Variants in TMEM87A observed in about 807,000 individuals in gnomAD.
TMEM87A encodes the protein Golgi-pH regulating cation channel.
Under a neutral mutation model 90.0 loss-of-function variants are expected in TMEM87A, and 50 were observed. That is an observed-to-expected ratio of 0.56 (90% confidence interval 0.44 to 0.70). TMEM87A has a LOEUF of 0.70. TMEM87A is among the 30% of genes least tolerant of loss of function. The pLI is 0.00. For missense variants in TMEM87A, 577 were observed against 660.5 expected (o/e 0.87, Z 1.39); for synonymous variants, 226 against 226.7 (o/e 1.00, Z 0.03).
chr15:42,227,666 T>C (rs2050619983), intron 14 of TMEM87A, 45 bp downstream of exon 14: 1 of 1,548,266 alleles, frequency 6.5e-7, no homozygotes, highest in African/African-American at 1.4e-5. Flanking sequence ...CACCATCAGT[T>C]GTTTATAAGA....
intron 8 of TMEM87A, among the ~76,000 whole-genome samples, chr15:42,238,270 C>A (rs560599161): frequency 6.6e-6 from 1 of 151,880 alleles, no homozygotes; most frequent in East Asian, 1.9e-4. Flanking sequence ...TCTGTCCCTA[C>A]AAAAAATAAA....
intron 7 of TMEM87A, among the ~76,000 whole-genome samples, chr15:42,243,818 C>T (rs893315803): frequency 4.6e-5 from 7 of 152,064 alleles, no homozygotes; most frequent in African/African-American, 1.7e-4. Context: ...CCGCGCCCGG[C>T]CAATGTTAAT....
chr15:42,264,695 A>ATG (rs2051363858), intron 3 of TMEM87A, among the ~76,000 whole-genome samples: 1 of 18,502 alleles, frequency 5.4e-5, no homozygotes, highest in Non-Finnish European at 6.0e-4. Context: ...ATATATATAT[A>ATG]TATATTTTTT....
chr15:42,219,687 C>A (rs2140915168), intron 16 of TMEM87A, 45 bp from the exon 17 acceptor site: 1 of 1,349,280 alleles, frequency 7.4e-7, no homozygotes, highest in South Asian at 1.3e-5. Flanking sequence ...TGTGAACAGA[C>A]CAACAATGTT....
intron 17 of TMEM87A, 130 bp from the exon 18 acceptor site, chr15:42,218,508 G>T: frequency 1.3e-6 from 1 of 763,318 alleles, no homozygotes; most frequent in Non-Finnish European, 2.0e-6. Flanking sequence ...ACTGCTGACA[G>T]AAAAGTCAAA....
chr15:42,229,346 C>A, intron 12 of TMEM87A, among the ~76,000 whole-genome samples: 2 of 149,766 alleles, frequency 1.3e-5, no homozygotes, highest in Non-Finnish European at 1.5e-5. Context: ...GAAGACAGAA[C>A]CAGAATAAAG....
chr15:42,267,284 C>T (rs969865660), intron 3 of TMEM87A, among the ~76,000 whole-genome samples: 5 of 152,184 alleles, frequency 3.3e-5, no homozygotes, highest in Admixed American at 6.5e-5. Context: ...ACATTCATAT[C>T]AGTGGATTTC....
At chr15:42,225,852 A>G (rs754666003) in intron 15 of TMEM87A, among the ~76,000 whole-genome samples, 12 of 151,480 alleles carry the variant, frequency 7.9e-5, no homozygotes, top group Admixed American at 1.3e-4. Flanking sequence ...AATAGATTAT[A>G]TATCTATCTC....
intron 5 of TMEM87A, 91 bp from the exon 6 acceptor site, chr15:42,261,093 C>G: frequency 6.5e-7 from 1 of 1,538,486 alleles, no homozygotes; most frequent in Non-Finnish European, 8.9e-7. Flanking sequence ...AGCCTGCTCC[C>G]CAGGTGCAGC....
At chr15:42,250,210 C>G (rs1373400114) in intron 6 of TMEM87A, among the ~76,000 whole-genome samples, 1 of 152,188 alleles carries the variant, frequency 6.6e-6, no homozygotes, top group Non-Finnish European at 1.5e-5. Context: ...TGGGTCTTGA[C>G]TCTTTATCCA....
Position 42,210,505 on chromosome 15 carries a change from T to C in TMEM87A, c.*1203A>G, listed in dbSNP as rs2050264601. On this transcript the variant is annotated 3_prime_UTR_variant, in exon 20 of 20. Transcript: ENST00000389834. The stretch of plus-strand genomic sequence containing the variant: ...GACAGAAAGAGTCTTTAGAAAAAGT[T>C]TGAAAAAAATGAGAAAAATACATTA... 6.6e-6 allele frequency: 1 copy of C among 152,160 alleles called. No individual in the cohort carries two copies. Among genetic ancestry groups the C allele is most frequent in the Non-Finnish European group, 1.5e-5 (1 of 68,020 alleles). 9.4% of individuals were successfully genotyped at this position (152,160 alleles called of 1,614,324 possible).
intron 7 of TMEM87A, among the ~76,000 whole-genome samples, chr15:42,240,280 G>GA (rs1447696874): frequency 6.6e-6 from 1 of 151,832 alleles, no homozygotes; most frequent in African/African-American, 2.4e-5. Context: ...GAAGGCATTG[G>GA]AAAAAAACTT....
At chr15:42,218,515 C>CA (rs2050419041) in intron 17 of TMEM87A, 137 bp from the exon 18 acceptor site, 1 of 724,550 alleles carries the variant, frequency 1.4e-6, no homozygotes, top group African/African-American at 1.8e-5. Flanking sequence ...ACAGAAAAGT[C>CA]AAATATTTTA....
intron 6 of TMEM87A, among the ~76,000 whole-genome samples, chr15:42,260,413 T>C (rs1162987671): frequency 1.3e-5 from 2 of 152,226 alleles, no homozygotes; most frequent in African/African-American, 4.8e-5. Flanking sequence ...ATGTATATTA[T>C]ACCTTCATAA....
At chr15:42,271,930 G>T in intron 2 of TMEM87A, 133 bp downstream of exon 2, 1 of 714,302 alleles carries the variant, frequency 1.4e-6, no homozygotes, top group Non-Finnish European at 2.3e-6. Context: ...AAGGACCTTA[G>T]TAATACTAAA....
At chr15:42,226,981 A>G (rs1375728271) in intron 14 of TMEM87A, 72 bp from the exon 15 acceptor site, 3 of 1,433,184 alleles carry the variant, frequency 2.1e-6, no homozygotes, top group African/African-American at 2.8e-5. Flanking sequence ...CCTTTGGCAT[A>G]GAACAAAAAT....
At chr15:42,221,295 GAC>G (rs1183576251) in intron 15 of TMEM87A, among the ~76,000 whole-genome samples, 23 of 147,208 alleles carry the variant, frequency 1.6e-4, no homozygotes, top group African/African-American at 5.6e-4. Context: ...GAGAGAGAGA[GAC>G]AGAGAGAGAG....
At chr15:42,219,377 C>A (rs1262514272) in intron 17 of TMEM87A, among the ~76,000 whole-genome samples, 2 of 152,036 alleles carry the variant, frequency 1.3e-5, no homozygotes, top group Non-Finnish European at 2.9e-5. Flanking sequence ...TAATTGTTTC[C>A]TTTGCTGGGC....
chr15:42,239,759 T>A, intron 7 of TMEM87A, 28 bp from the exon 8 acceptor site: 2 of 1,596,056 alleles, frequency 1.3e-6, no homozygotes, highest in Non-Finnish European at 1.7e-6. Context: ...TCAGAATTAA[T>A]TTACAGGATG....
Sources: gnomAD v4.1 joint callset for allele counts (sites outside exome capture counted in the v4.1 genomes callset) on GRCh38, gnomAD v4.1.1 for gene constraint, MANE v1.5 for transcripts, NCBI Gene and HGNC (gene_info 2026-07-23, HGNC 2026-07-21) for gene names.